Variants in CACNA1C observed in about 807,000 individuals in gnomAD.
CACNA1C encodes the protein voltage-dependent L-type calcium channel subunit alpha-1C.
Under a neutral mutation model 229.0 loss-of-function variants are expected in CACNA1C, and 30 were observed. The ratio of observed to expected loss-of-function variants is 0.13; its 90% CI spans 0.10 to 0.18. The LOEUF (loss-of-function observed/expected upper bound fraction) is 0.18, where lower values mean the gene tolerates loss of function less well. Ranked by LOEUF, CACNA1C falls within the 10% of genes least tolerant of loss-of-function variation. The pLI, the probability that CACNA1C is intolerant of heterozygous loss-of-function variation, is 1.00. For missense variants in CACNA1C, 1,658 were observed against 2,845.0 expected (o/e 0.58, Z 9.49); for synonymous variants, 1,114 against 1,132.5 (o/e 0.98, Z 0.33).
chr12:2,266,033 C>T (rs79122070), intron 3 of CACNA1C, among the ~76,000 whole-genome samples: 3,747 of 152,372 alleles, frequency 0.025, 60 homozygotes, highest in South Asian at 0.058. Context: ...CATCGTTGGG[C>T]TCCGTGGACA....
intron 1 of CACNA1C, among the ~76,000 whole-genome samples, chr12:2,002,909 A>T (rs1490923717): frequency 6.6e-6 from 1 of 150,416 alleles, no homozygotes; most frequent in African/African-American, 2.5e-5. Flanking sequence ...AAAAACAAAC[A>T]AACAAAAACA....
At chr12:2,454,798 C>T (rs2099406644) in intron 4 of CACNA1C, among the ~76,000 whole-genome samples, 1 of 152,198 alleles carries the variant, frequency 6.6e-6, no homozygotes, top group South Asian at 2.1e-4. Context: ...GTCACACTTC[C>T]CGTCTCCTTC....
rs1049183237 is a variant in CACNA1C, at chr12:2,679,677, G to A, written c.5325G>A (p.Leu1775=). ...ANINNANNTA[L]GRLPRPAGYP... is the part of the protein sequence containing the mutation. Reference sequence around the variant, plus strand: ...TCAACAACGCCAACAACACCGCCCTGGGTCGCCTCCCTCGCCCCGCCGGCT... The same window carrying A: ...TCAACAACGCCAACAACACCGCCCTAGGTCGCCTCCCTCGCCCCGCCGGCT... Residue 1775 remains leucine, a synonymous_variant, in exon 42 of 47, where the codon CTG becomes CTA. Coordinates refer to ENST00000399655, the MANE Select transcript of CACNA1C (RefSeq NM_000719.7). The surrounding 1 kb of genome is among the most constrained non-coding windows in gnomAD (Gnocchi z 5.5). The A allele has an allele frequency of 4.3e-6, 7 of 1,613,476 alleles. No individual in the cohort carries two copies. Among genetic ancestry groups the A allele is most frequent in the Non-Finnish European group, 5.9e-6 (7 of 1,179,624 alleles).
At chr12:2,071,309 C>G (rs1047371536) in intron 1 of CACNA1C, among the ~76,000 whole-genome samples, 2 of 151,236 alleles carry the variant, frequency 1.3e-5, no homozygotes, top group South Asian at 4.2e-4. Flanking sequence ...CCTTGACCTC[C>G]CAGGCTCAAG....
Position 2,279,596 on chromosome 12 carries a change from C to T in CACNA1C, c.477+159166C>T, listed in dbSNP as rs192151823. Among the ~76,000 whole-genome samples the T allele has an allele frequency of 3.5e-3, 539 of 152,272 alleles. 2 individuals carry two copies. Among genetic ancestry groups the T allele is most frequent in the Admixed American group, 6.1e-3 (93 of 15,300 alleles). ...TTCTAATCCCTAGTGATAGCCTTTG[C>T]GCTGAAATTTATTTTGCCTGATATT... On this transcript the variant is annotated intron_variant, in intron 3 of 46. Coordinates refer to ENST00000399655, the MANE Select transcript of CACNA1C (RefSeq NM_000719.7).
intron 18 of CACNA1C, among the ~76,000 whole-genome samples, chr12:2,588,215 C>T (rs11062282): frequency 0.11 from 17,177 of 152,258 alleles, 1,274 homozygotes; most frequent in Non-Finnish European, 0.15. Flanking sequence ...TCCCGAACCA[C>T]GAATGGCAAA....
intron 3 of CACNA1C, among the ~76,000 whole-genome samples, chr12:2,173,484 C>T (rs940333325): frequency 3.3e-5 from 5 of 152,160 alleles, no homozygotes; most frequent in African/African-American, 1.2e-4. Flanking sequence ...CAAAGACTGG[C>T]CCATGCCAGC....
At chr12:2,235,526 G>A (rs2067005947) in intron 3 of CACNA1C, among the ~76,000 whole-genome samples, 2 of 152,152 alleles carry the variant, frequency 1.3e-5, no homozygotes, top group Admixed American at 1.3e-4. Context: ...ATTATTTCTG[G>A]TAGATGAGGA....
intron 5 of CACNA1C, among the ~76,000 whole-genome samples, chr12:2,464,943 A>G (rs1250018501): frequency 6.6e-6 from 1 of 152,224 alleles, no homozygotes; most frequent in East Asian, 1.9e-4. Context: ...CTGGTTTTGA[A>G]CATGAGTTCT....
intron 1 of CACNA1C, among the ~76,000 whole-genome samples, chr12:1,973,608 C>A (rs944366879): frequency 1.4e-4 from 22 of 152,158 alleles, no homozygotes; most frequent in African/African-American, 4.1e-4. Context: ...AAACTGGGAA[C>A]CTTGAGGTCA....
rs976662289 is a variant in CACNA1C at position 2,142,707 on chromosome 12, C to T, written c.477+22277C>T. 4.6e-5 allele frequency among the ~76,000 whole-genome samples: 7 copies of T among 151,028 alleles called. 1 individual carries two copies. The highest frequency in any genetic ancestry group is 2.7e-4 in the Admixed American group (4 of 15,024). ...GACCAAGGATCCTGATCCTTGATATCGACGATCCTGGCCTAGGCTAATGTG... is the reference window on the plus strand; with the variant it reads ...GACCAAGGATCCTGATCCTTGATATTGACGATCCTGGCCTAGGCTAATGTG... On this transcript the variant is annotated intron_variant, in intron 3 of 46. Transcript: ENST00000399655.
rs141111305 is a variant in CACNA1C, at chr12:2,013,595, T to C, written c.139+42394T>C. The stretch of plus-strand genomic sequence containing the variant: ...AGGAGCATGATGCAAAAAACACAGA[T>C]ACAGATCTCTGCTCTGATACTAATG... On this transcript the variant is annotated intron_variant, in intron 1 of 46. Coordinates refer to the CACNA1C transcript ENST00000682462. Among the ~76,000 whole-genome samples, 3 of 152,292 alleles carry C rather than the reference T, an allele frequency of 2.0e-5. No homozygotes were observed. The East Asian group carries it at 5.8e-4, about 29-fold the overall frequency.
At chr12:2,317,255 A>G (rs1391112767) in intron 3 of CACNA1C, among the ~76,000 whole-genome samples, 4 of 152,238 alleles carry the variant, frequency 2.6e-5, no homozygotes, top group Admixed American at 2.0e-4. Flanking sequence ...ACGTGAGAGA[A>G]ACCCAAGTGT....
At chr12:2,050,844 G>A (rs997184143), upstream of CACNA1C, among the ~76,000 whole-genome samples, 3 of 152,122 alleles carry the variant, frequency 2.0e-5, no homozygotes, top group Non-Finnish European at 1.5e-5. Context: ...ACCAAGGGAC[G>A]GACAGATGCA....
At chr12:2,349,818 C>T (rs914173931) in intron 3 of CACNA1C, among the ~76,000 whole-genome samples, 9 of 152,098 alleles carry the variant, frequency 5.9e-5, no homozygotes, top group African/African-American at 1.7e-4. Context: ...CAGCACCCTC[C>T]GAAAGGGGCT....
chr12:2,064,099 A>G (rs931370191), intron 1 of CACNA1C, among the ~76,000 whole-genome samples: 3 of 152,198 alleles, frequency 2.0e-5, no homozygotes, highest in Admixed American at 6.5e-5. Flanking sequence ...GTGTTTCACA[A>G]TCTGACAGCT....
At chr12:2,247,603 C>T (rs1223480159) in intron 3 of CACNA1C, among the ~76,000 whole-genome samples, 2 of 152,210 alleles carry the variant, frequency 1.3e-5, no homozygotes, top group African/African-American at 2.4e-5. Flanking sequence ...TGGGCAGCCA[C>T]GGCGAAATCT....
At chr12:1,976,297 G>A (rs1017081303) in intron 1 of CACNA1C, among the ~76,000 whole-genome samples, 12 of 152,124 alleles carry the variant, frequency 7.9e-5, no homozygotes, top group Admixed American at 2.0e-4. Flanking sequence ...TTTTTCAGTC[G>A]GAATGGCAAA....
At chr12:2,119,863 A>C (rs996253602) in intron 2 of CACNA1C, among the ~76,000 whole-genome samples, 2 of 152,270 alleles carry the variant, frequency 1.3e-5, no homozygotes, top group Non-Finnish European at 2.9e-5. Context: ...TCCAAATTTC[A>C]ATGAAACCCA....
Sources: gnomAD v4.1 joint callset for allele counts (sites outside exome capture counted in the v4.1 genomes callset) on GRCh38, gnomAD v4.1.1 for gene constraint, Gnocchi (gnomAD v3.1) non-coding constraint, MANE v1.5 for transcripts, NCBI Gene and HGNC (gene_info 2026-07-23, HGNC 2026-07-21) for gene names.